Variants in PITPNB observed in about 807,000 individuals in gnomAD.
The protein encoded by PITPNB is phosphatidylinositol transfer protein beta.
PITPNB carries 16 observed loss-of-function variants against 45.9 expected under a neutral mutation model. The ratio of observed to expected loss-of-function variants is 0.35; its 90% CI spans 0.24 to 0.53. The LOEUF (loss-of-function observed/expected upper bound fraction) is 0.53, where lower values mean the gene tolerates loss of function less well. Ranked by LOEUF, PITPNB falls within the 20% of genes least tolerant of loss-of-function variation. The probability of loss-of-function intolerance (pLI) is 0.93; values close to 1 mark genes in which losing one functional copy is unlikely to be tolerated. For synonymous variants in PITPNB, 112 were observed against 108.9 expected, an observed-to-expected ratio of 1.03 and a Z score of -0.18; for missense variants, 188 against 330.5, an observed-to-expected ratio of 0.57 and a Z score of 3.34.
chr22:27,877,089 G>T lies in PITPNB; in HGVS notation c.457-3274C>A, dbSNP rs374981085. On this transcript the variant is annotated intron_variant, in intron 7 of 11. Coordinates refer to ENST00000335272, the MANE Select transcript of PITPNB (RefSeq NM_012399.5). The stretch of plus-strand genomic sequence containing the variant: ...GGAAAAAAGAGAGCAAATTCACCAG[G>T]CCAAGGAAATGCATTTTTAAAATGG... Among the ~76,000 whole-genome samples, 23 of 152,334 alleles carry T rather than the reference G, an allele frequency of 1.5e-4. No homozygotes were observed. In the East Asian group the frequency reaches 4.2e-3, roughly 28 times the overall value.
intron 7 of PITPNB, among the ~76,000 whole-genome samples, chr22:27,892,182 C>A (rs1308421738): frequency 6.6e-6 from 1 of 152,180 alleles, no homozygotes; most frequent in Non-Finnish European, 1.5e-5. Flanking sequence ...TCAAGTGCTG[C>A]TGTCATGCAT....
chr22:27,867,399 A>G (rs924050892), intron 8 of PITPNB, among the ~76,000 whole-genome samples: 2 of 152,238 alleles, frequency 1.3e-5, no homozygotes, highest in Non-Finnish European at 2.9e-5. Flanking sequence ...AAAATATTAA[A>G]TGGAAGAAGT....
At chr22:27,901,897 T>C (rs1200151630) in intron 3 of PITPNB, among the ~76,000 whole-genome samples, 1 of 151,618 alleles carries the variant, frequency 6.6e-6, no homozygotes, top group African/African-American at 2.4e-5. Flanking sequence ...ATAATAATAA[T>C]AAATATATAT....
intron 8 of PITPNB, among the ~76,000 whole-genome samples, chr22:27,865,549 T>C (rs893282466): frequency 1.3e-5 from 2 of 152,180 alleles, no homozygotes; most frequent in Non-Finnish European, 2.9e-5. Context: ...AAAATCTCAA[T>C]GGGGCAAATA....
chr22:27,900,272 G>A lies in PITPNB; in HGVS notation c.198-2380C>T, dbSNP rs1421391816. ...GGAGAAACAATTCTGTATTAACTCAGACACATATTTTAACTATCCATTTAT... is the reference window on the plus strand; with the variant it reads ...GGAGAAACAATTCTGTATTAACTCAAACACATATTTTAACTATCCATTTAT... On this transcript the variant is annotated intron_variant, in intron 3 of 11. Coordinates refer to ENST00000335272, the MANE Select transcript of PITPNB (RefSeq NM_012399.5). 2.0e-5 allele frequency among the ~76,000 whole-genome samples: 3 copies of A among 151,244 alleles called. No individual in the cohort carries two copies. In the East Asian group the frequency reaches 5.8e-4, roughly 29 times the overall value.
intron 7 of PITPNB, among the ~76,000 whole-genome samples, chr22:27,879,720 T>G (rs1410424540): frequency 6.6e-6 from 1 of 152,190 alleles, no homozygotes; most frequent in Non-Finnish European, 1.5e-5. Context: ...ATGTAAGTGA[T>G]ACATTTAGAA....
intron 10 of PITPNB, among the ~76,000 whole-genome samples, chr22:27,855,908 G>A (rs1286523834): frequency 6.6e-6 from 1 of 152,208 alleles, no homozygotes; most frequent in African/African-American, 2.4e-5. Context: ...GTGTGAAGAG[G>A]ACTCTAAAAT....
At chr22:27,856,672 C>A (rs1934183233) in intron 10 of PITPNB, among the ~76,000 whole-genome samples, 2 of 152,222 alleles carry the variant, frequency 1.3e-5, no homozygotes, top group African/African-American at 4.8e-5. Context: ...GGCTCTTTCC[C>A]AAGGGTTTGA....
At position 27,867,274 on chromosome 22, in the gene PITPNB, G is replaced by C. The variant is rs562287644; in HGVS notation, c.534+6464C>G. ...AGGAGGTGGGGGGAAGGAAGACAGGGGGAATACATAAACCACCACCCTGAC... is the reference window on the plus strand; with the variant it reads ...AGGAGGTGGGGGGAAGGAAGACAGGCGGAATACATAAACCACCACCCTGAC... On this transcript the variant is annotated intron_variant, in intron 8 of 11. Transcript: ENST00000335272. Among the ~76,000 whole-genome samples, 9 of 151,838 alleles carry C rather than the reference G, an allele frequency of 5.9e-5. No homozygotes were observed. The East Asian group carries it at 9.7e-4, about 16-fold the overall frequency.
At chr22:27,873,558 T>C (rs9625350) in intron 8 of PITPNB, among the ~76,000 whole-genome samples, 180 bp downstream of exon 8, 4,685 of 152,354 alleles carry the variant, frequency 0.031, 123 homozygotes, top group South Asian at 0.11. Context: ...CTGTTCTGTT[T>C]GTTAATGCAG....
intron 7 of PITPNB, among the ~76,000 whole-genome samples, chr22:27,889,478 G>A (rs569394532): frequency 1.3e-5 from 2 of 152,100 alleles, no homozygotes; most frequent in Admixed American, 6.6e-5. Context: ...AGAAATAAAC[G>A]TATAATGTGT....
chr22:27,880,464 C>G (rs1249192067), intron 7 of PITPNB, among the ~76,000 whole-genome samples: 1 of 152,106 alleles, frequency 6.6e-6, no homozygotes, highest in Non-Finnish European at 1.5e-5. Context: ...ATTTTATCCC[C>G]CACCCAAGGA....
In PITPNB at chr22:27,854,912, T is replaced by A; in HGVS notation, c.796A>T (p.Thr266Ser). 1 of 1,613,886 alleles carries A rather than the reference T, an allele frequency of 6.2e-7. No individual in the cohort carries two copies. Among genetic ancestry groups the A allele is most frequent in the Non-Finnish European group, 8.5e-7 (1 of 1,179,754 alleles). ...CTCATCTAGACATCAGCAGCCGACG[T>A]GCCTCGAACGGAACCCCTCTTACGC... ...TMRKRGSVRG[T>S]SAADV is the part of the protein sequence containing the mutation. Residue 266 changes from threonine (T) to serine (S), a missense_variant, in exon 11 of 12, where the codon ACG becomes TCG. Physicochemically the swap from Thr to Ser is moderately conservative, Grantham distance 58 (BLOSUM62 1). Transcript: ENST00000335272.
At chr22:27,898,369 T>G (rs1601416752) in intron 3 of PITPNB, among the ~76,000 whole-genome samples, 1 of 151,208 alleles carries the variant, frequency 6.6e-6, no homozygotes, top group Admixed American at 6.6e-5. Context: ...AGCAAGACCT[T>G]GTCTCACAAG....
chr22:27,860,014 A>T (rs1934279009), intron 9 of PITPNB, 117 bp downstream of exon 9: 1 of 628,344 alleles, frequency 1.6e-6, no homozygotes, highest in Non-Finnish European at 2.9e-6. Context: ...TTATGTAGGG[A>T]CAATAATTTT....
At chr22:27,872,667 T>G (rs1209151039) in intron 8 of PITPNB, among the ~76,000 whole-genome samples, 1 of 152,070 alleles carries the variant, frequency 6.6e-6, no homozygotes, top group Non-Finnish European at 1.5e-5. Flanking sequence ...AATCCTCTTA[T>G]CTGCATGCAA....
chr22:27,911,633 TC>T (rs1935926457), intron 2 of PITPNB, among the ~76,000 whole-genome samples: 1 of 152,160 alleles, frequency 6.6e-6, no homozygotes, highest in Admixed American at 6.5e-5. Context: ...TAATAGATAG[TC>T]CAAATCTTAG....
At chr22:27,900,232 AAAAAC>A (rs1935554805) in intron 3 of PITPNB, among the ~76,000 whole-genome samples, 3 of 151,966 alleles carry the variant, frequency 2.0e-5, no homozygotes, top group Non-Finnish European at 4.4e-5. Context: ...AAAAGAAAGA[AAAAAC>A]AAAAAGGCAG....
intron 10 of PITPNB, among the ~76,000 whole-genome samples, chr22:27,856,956 A>G (rs1421019917): frequency 6.6e-6 from 1 of 152,138 alleles, no homozygotes; most frequent in East Asian, 1.9e-4. Context: ...AAAAGGGAAC[A>G]CAGAAGTGGG....
Sources: gnomAD v4.1 joint callset for allele counts (sites outside exome capture counted in the v4.1 genomes callset) on GRCh38, gnomAD v4.1.1 for gene constraint, MANE v1.5 for transcripts, NCBI Gene and HGNC (gene_info 2026-07-23, HGNC 2026-07-21) for gene names.